The following DCLK1 variants were observed in gnomAD, a reference collection of about 807,000 sequenced individuals.
The protein encoded by DCLK1 is doublecortin like kinase 1.
A neutral mutation model predicts 86.2 loss-of-function variants in DCLK1; 16 were observed. That is an observed-to-expected ratio of 0.19 (90% CI 0.13 to 0.28). The LOEUF (loss-of-function observed/expected upper bound fraction) is 0.28. Among genes scored for constraint, DCLK1 ranks in the 10% least tolerant of loss-of-function variants. The probability of loss-of-function intolerance (pLI) is 1.00; values close to 1 mark genes in which losing one functional copy is unlikely to be tolerated. For synonymous variants in DCLK1, 369 were observed against 370.5 expected (o/e 1.00, Z 0.05); for missense variants, 590 against 940.2 (o/e 0.63, Z 4.87).
chr13:35,905,927 C>T (rs547892296), intron 4 of DCLK1, among the ~76,000 whole-genome samples: 147 of 152,196 alleles, frequency 9.7e-4, no homozygotes, highest in Non-Finnish European at 1.7e-3. Context: ...TCTCGGCAAA[C>T]TTTCATTTAA....
intron 10 of DCLK1, among the ~76,000 whole-genome samples, chr13:35,825,617 A>G (rs28702641): frequency 1.1e-4 from 17 of 152,110 alleles, no homozygotes; most frequent in African/African-American, 2.4e-5. Flanking sequence ...AACGGGGGGT[A>G]ATCAAATTCT....
chr13:35,871,433 T>C (rs2153114713), intron 4 of DCLK1, 93 bp from the exon 5 acceptor site: 1 of 1,043,984 alleles, frequency 9.6e-7, no homozygotes, highest in African/African-American at 1.6e-5. Flanking sequence ...TAGAAATATA[T>C]GACCATCCTC....
chr13:35,957,913 C>G (rs1476408228), intron 3 of DCLK1, among the ~76,000 whole-genome samples: 1 of 23,498 alleles, frequency 4.3e-5, no homozygotes, highest in Non-Finnish European at 8.9e-5. Flanking sequence ...GCGTCACCAC[C>G]ACCACTGCTA....
chr13:36,076,685 G>T (rs557403185), intron 3 of DCLK1, among the ~76,000 whole-genome samples: 1 of 152,138 alleles, frequency 6.6e-6, no homozygotes, highest in Non-Finnish European at 1.5e-5. Context: ...GCACAGTGCC[G>T]TTCCTGATGC....
intron 5 of DCLK1, among the ~76,000 whole-genome samples, chr13:35,857,473 ACACTGCC>A (rs1871129712): frequency 6.6e-6 from 1 of 152,144 alleles, no homozygotes; most frequent in Non-Finnish European, 1.5e-5. Flanking sequence ...GCAATAATCA[ACACTGCC>A]TCACCCTTGC....
chr13:35,813,171 C>T (rs565749429), intron 11 of DCLK1, among the ~76,000 whole-genome samples: 1 of 152,168 alleles, frequency 6.6e-6, no homozygotes, highest in Non-Finnish European at 1.5e-5. Flanking sequence ...ATTTTGTTAA[C>T]AATAACCTTT....
intron 11 of DCLK1, 41 bp from the exon 12 acceptor site, chr13:35,811,009 A>C: frequency 1.2e-6 from 2 of 1,611,864 alleles, no homozygotes; most frequent in Non-Finnish European, 8.5e-7. Context: ...GAAAACCAAG[A>C]GCTCAAAAGC....
chr13:35,974,339 G>C (rs751800237), intron 3 of DCLK1, among the ~76,000 whole-genome samples: 3 of 152,166 alleles, frequency 2.0e-5, no homozygotes, highest in Non-Finnish European at 4.4e-5. Context: ...CTTACACAAA[G>C]AGGGAATTTG....
intron 5 of DCLK1, among the ~76,000 whole-genome samples, chr13:35,866,074 G>A (rs1012651950): frequency 4.6e-5 from 7 of 152,086 alleles, no homozygotes; most frequent in African/African-American, 9.7e-5. Context: ...AGAAGTCCCC[G>A]GTGCCAGCCC....
At chr13:35,911,702 A>G (rs1566598944) in intron 4 of DCLK1, among the ~76,000 whole-genome samples, 1 of 152,202 alleles carries the variant, frequency 6.6e-6, no homozygotes, top group Non-Finnish European at 1.5e-5. Context: ...GTGGATCTGA[A>G]CAATTTCTTG....
chr13:36,015,023 TC>T, intron 3 of DCLK1, among the ~76,000 whole-genome samples: 1 of 151,740 alleles, frequency 6.6e-6, no homozygotes, highest in African/African-American at 2.4e-5. Context: ...TCTCTCTCTC[TC>T]TCTCTCCCTA....
chr13:36,032,282 C>T (rs1269184234), intron 3 of DCLK1, among the ~76,000 whole-genome samples: 1 of 152,050 alleles, frequency 6.6e-6, no homozygotes, highest in Non-Finnish European at 1.5e-5. Flanking sequence ...GCTGGGACTA[C>T]AGGCACCTGC....
chr13:35,778,874 T>C (rs1313400621), intron 16 of DCLK1, among the ~76,000 whole-genome samples: 1 of 152,180 alleles, frequency 6.6e-6, no homozygotes, highest in Admixed American at 6.5e-5. Context: ...TTGGTTTTGG[T>C]TTTCTTCACT....
At chr13:35,827,947 G>C (rs1868619537) in intron 9 of DCLK1, among the ~76,000 whole-genome samples, 193 bp from the exon 10 acceptor site, 1 of 152,106 alleles carries the variant, frequency 6.6e-6, no homozygotes, top group African/African-American at 2.4e-5. Flanking sequence ...CATAATGCTT[G>C]CAAATTCAGA....
intron 3 of DCLK1, among the ~76,000 whole-genome samples, chr13:36,041,177 A>G (rs1203518911): frequency 1.3e-5 from 2 of 152,166 alleles, no homozygotes; most frequent in East Asian, 3.9e-4. Context: ...CGTACTGAAA[A>G]ATATTTCTAT....
At chr13:36,020,446 C>T (rs1282796032) in intron 3 of DCLK1, among the ~76,000 whole-genome samples, 1 of 151,954 alleles carries the variant, frequency 6.6e-6, no homozygotes, top group Admixed American at 6.6e-5. Flanking sequence ...AGGCTTGCAC[C>T]AATTTGAGGA....
chr13:36,040,714 A>C (rs1593840167), intron 3 of DCLK1, among the ~76,000 whole-genome samples: 1 of 151,816 alleles, frequency 6.6e-6, no homozygotes, highest in African/African-American at 2.4e-5. Context: ...TATCTACCTA[A>C]ATTGTTTGAA....
At chr13:36,031,819 C>T (rs1012267630) in intron 3 of DCLK1, among the ~76,000 whole-genome samples, 3 of 152,172 alleles carry the variant, frequency 2.0e-5, no homozygotes, top group East Asian at 1.9e-4. Flanking sequence ...CTGCTTTGCA[C>T]GTGGCTTCTA....
intron 2 of DCLK1, among the ~76,000 whole-genome samples, chr13:36,120,533 A>G (rs774855710): frequency 2.6e-4 from 39 of 152,340 alleles, no homozygotes; most frequent in Middle Eastern, 3.4e-3. Flanking sequence ...AGTACACTCT[A>G]TGATGTTCCC....
Sources: gnomAD v4.1 joint callset for allele counts (sites outside exome capture counted in the v4.1 genomes callset) on GRCh38, gnomAD v4.1.1 for gene constraint, MANE v1.5 for transcripts, NCBI Gene and HGNC (gene_info 2026-07-23, HGNC 2026-07-21) for gene names.